The following IFT80 variants were observed in gnomAD, a reference collection of about 807,000 sequenced individuals.
IFT80 encodes the protein intraflagellar transport 80, also known as intraflagellar transport protein 80 homolog.
In IFT80, 79 loss-of-function variants were observed where a neutral mutation model predicts 107.9. That is an observed-to-expected ratio of 0.73 (90% confidence interval 0.61 to 0.88). The LOEUF is 0.88. IFT80 is among the 40% of genes least tolerant of loss of function. IFT80 has a pLI of 0.00. For missense variants in IFT80, 797 were observed against 914.2 expected (o/e 0.87, Z 1.65); for synonymous variants, 299 against 300.9 (o/e 0.99, Z 0.07).
In IFT80 at chr3:160,285,067, G is replaced by C. The variant is rs114468836; in HGVS notation, c.1380+737C>G. On this transcript the variant is annotated intron_variant, in intron 13 of 19. Coordinates refer to ENST00000326448, the MANE Select transcript of IFT80 (RefSeq NM_020800.3). The stretch of plus-strand genomic sequence containing the variant: ...CAAATTTAAAACTAGGGCCAGGCAT[G>C]GTGGCTCACATCTGTAATCCTAGAA... Among the ~76,000 whole-genome samples, 893 of 152,194 alleles carry C rather than the reference G, an allele frequency of 5.9e-3. 15 individuals are homozygous for C. The highest frequency in any genetic ancestry group is 0.02 in the African/African-American group (816 of 41,528).
At chr3:160,372,024 T>TC (rs1711559043) in intron 5 of IFT80, among the ~76,000 whole-genome samples, 1 of 151,742 alleles carries the variant, frequency 6.6e-6, no homozygotes, top group Admixed American at 6.6e-5. Context: ...CTAAGTCAAA[T>TC]CCCCCCACCC....
chr3:160,299,329 T>C (rs764652595), intron 12 of IFT80: 235 of 662,268 alleles, frequency 3.5e-4, no homozygotes, highest in Non-Finnish European at 4.5e-4. Flanking sequence ...CCTGCCAGTA[T>C]AAGAGGTGCT....
rs1714507782 is a variant in IFT80, at chr3:160,279,335, C to T, written c.1694G>A (p.Ser565Asn). The change falls in exon 16 of 20, where the codon AGT (serine) becomes AAT (asparagine). Residue 565 changes from serine (S) to asparagine (N), a missense_variant. Physicochemically the swap from Ser to Asn is conservative, Grantham distance 46 (BLOSUM62 1). Coordinates refer to ENST00000326448, the MANE Select transcript of IFT80 (RefSeq NM_020800.3). ...AATAGTTACTTGATTTCCAACAAAA[C>T]TCACAATATGGGGATTTTTACTAAA... ...SEFSKNPHIV[S>N]FVGNQVTIRR... The T allele has an allele frequency of 6.2e-7, 1 of 1,613,166 alleles. No homozygotes were observed. Among genetic ancestry groups the T allele is most frequent in the Non-Finnish European group, 8.5e-7 (1 of 1,179,408 alleles).
intron 11 of IFT80, among the ~76,000 whole-genome samples, chr3:160,303,078 T>C (rs1383478981): frequency 1.3e-5 from 2 of 152,280 alleles, no homozygotes; most frequent in East Asian, 3.9e-4. Context: ...TAAAAAGCTG[T>C]GGGCTAGAAA....
chr3:160,350,247 T>C (rs1720579353), intron 8 of IFT80, among the ~76,000 whole-genome samples: 1 of 151,556 alleles, frequency 6.6e-6, no homozygotes, highest in South Asian at 2.1e-4. Flanking sequence ...AAACCCCGTA[T>C]CTACTAAAAA....
chr3:160,280,900 TC>T (rs1275237523), intron 14 of IFT80, 86 bp from the exon 15 acceptor site: 10 of 1,191,754 alleles, frequency 8.4e-6, no homozygotes, highest in Non-Finnish European at 1.1e-5. Context: ...ACAAACAAAA[TC>T]CCATACAATT....
chr3:160,259,247 A>AATT (rs1712614931), intron 19 of IFT80, among the ~76,000 whole-genome samples: 1 of 152,246 alleles, frequency 6.6e-6, no homozygotes, highest in African/African-American at 2.4e-5. Flanking sequence ...GCTATTTATA[A>AATT]AGGTACATCT....
At chr3:160,361,354 A>T (rs1435437386) in intron 6 of IFT80, among the ~76,000 whole-genome samples, 1 of 152,242 alleles carries the variant, frequency 6.6e-6, no homozygotes, top group Admixed American at 6.5e-5. Context: ...CACCCAATAC[A>T]GGAGCACCCA....
intron 19 of IFT80, among the ~76,000 whole-genome samples, chr3:160,264,786 A>G (rs760041537): frequency 6.6e-6 from 1 of 151,962 alleles, no homozygotes; most frequent in Non-Finnish European, 1.5e-5. Flanking sequence ...TTGCCCTCCA[A>G]TGGCTTCTCT....
At chr3:160,312,723 T>A (rs1288488540) in intron 9 of IFT80, among the ~76,000 whole-genome samples, 3 of 45,398 alleles carry the variant, frequency 6.6e-5, no homozygotes, top group African/African-American at 1.0e-4. Context: ...ATATATATAA[T>A]AAATATATAT....
intron 5 of IFT80, among the ~76,000 whole-genome samples, chr3:160,366,685 T>C (rs1343930643): frequency 1.3e-5 from 2 of 152,102 alleles, no homozygotes; most frequent in African/African-American, 2.4e-5. Flanking sequence ...TTTTTAATTT[T>C]TGTGGGTACA....
intron 1 of IFT80, among the ~76,000 whole-genome samples, chr3:160,392,424 G>A (rs113822263): frequency 0.023 from 3,459 of 152,208 alleles, 58 homozygotes; most frequent in African/African-American, 0.036. Flanking sequence ...CTATTTGAAT[G>A]TCTAACAGAC....
chr3:160,268,324 T>G (rs1192570275), intron 19 of IFT80, 89 bp downstream of exon 19: 5 of 1,197,600 alleles, frequency 4.2e-6, no homozygotes, highest in Non-Finnish European at 6.0e-6. Context: ...ATTCAAAATT[T>G]GAATCATTCA....
intron 9 of IFT80, among the ~76,000 whole-genome samples, chr3:160,308,885 A>G (rs897561437): frequency 1.3e-5 from 2 of 152,274 alleles, no homozygotes; most frequent in Admixed American, 6.5e-5. Flanking sequence ...TGTTCTTATA[A>G]AAGAGGACCC....
intron 12 of IFT80, among the ~76,000 whole-genome samples, chr3:160,289,598 G>A (rs1307797316): frequency 6.6e-6 from 1 of 152,178 alleles, no homozygotes; most frequent in Non-Finnish European, 1.5e-5. Context: ...CAGAGGTTGG[G>A]TGGACCAATG....
rs1162076232 is a variant in IFT80, at chr3:160,257,395, C to G, written c.*1130G>C. 6.6e-6 allele frequency: 1 copy of G among 151,894 alleles called. No individual in the cohort carries two copies. The highest frequency in any genetic ancestry group is 6.6e-5 in the Admixed American group (1 of 15,224). 9.4% of individuals were successfully genotyped at this position (151,894 alleles called of 1,614,324 possible). ...CAGAAATGGGTTTGCAGAAGACTTT[C>G]TAAGGGGTATTTGTTTTATTGTTTA... On this transcript the variant is annotated 3_prime_UTR_variant, in exon 20 of 20. Coordinates refer to ENST00000326448, the MANE Select transcript of IFT80 (RefSeq NM_020800.3).
At chr3:160,260,677 TAAG>T (rs772858724) in intron 19 of IFT80, among the ~76,000 whole-genome samples, 3 of 152,224 alleles carry the variant, frequency 2.0e-5, no homozygotes, top group Admixed American at 6.5e-5. Context: ...AGGTTTTAGA[TAAG>T]AATGTTCTCT....
rs530244054 is a variant in IFT80 at position 160,284,189 on chromosome 3, T to C, written c.1381-1576A>G. On this transcript the variant is annotated intron_variant, in intron 13 of 19. Transcript: ENST00000326448. ...TTCCATTCTTATAATTAGGAAATTA[T>C]AAATTTCTTAATTTTAATTGTAAAT... Among the ~76,000 whole-genome samples the C allele has an allele frequency of 4.3e-4, 66 of 152,218 alleles. No individual in the cohort carries two copies. The South Asian group carries it at 6.2e-3, about 14-fold the overall frequency.
At chr3:160,381,381 A>C (rs551565591) in intron 3 of IFT80, 122 bp downstream of exon 3, 53 of 762,418 alleles carry the variant, frequency 7.0e-5, no homozygotes, top group Non-Finnish European at 1.1e-4. Context: ...AAGAAATACA[A>C]TATGTGGATA....
Sources: allele counts gnomAD v4.1 joint callset (sites outside exome capture counted in the v4.1 genomes callset), GRCh38; gene constraint gnomAD v4.1.1; transcripts MANE v1.5; gene names NCBI Gene and HGNC (gene_info 2026-07-23, HGNC 2026-07-21).